Variants in JAZF1 observed in about 807,000 individuals in gnomAD.
JAZF1 encodes the protein JAZF zinc finger 1.
In JAZF1, 8 loss-of-function variants were observed where a neutral mutation model predicts 26.4. The observed-to-expected ratio is 0.30, with a 90% CI of 0.18 to 0.55. JAZF1 has a LOEUF of 0.55. Ranked by LOEUF, JAZF1 falls within the 20% of genes least tolerant of loss-of-function variation. The probability of loss-of-function intolerance (pLI) is 0.94; values close to 1 mark genes in which losing one functional copy is unlikely to be tolerated. For synonymous variants in JAZF1, 126 were observed against 122.3 expected (o/e 1.03, Z -0.20); for missense variants, 199 against 322.0 (o/e 0.62, Z 2.92).
rs544573639 is a variant in JAZF1 at position 27,905,900 on chromosome 7, G to A, written c.189-10484C>T. Among the ~76,000 whole-genome samples the A allele has an allele frequency of 6.8e-3, 1,031 of 152,090 alleles. 8 individuals are homozygous for A. The highest frequency in any genetic ancestry group is 0.014 in the Admixed American group (207 of 15,266). ...AATCTACTTAAACTGTTTTGATGAA[G>A]AAAAGCCACAATATAAAATTTCATG... On this transcript the variant is annotated intron_variant, in intron 2 of 4. Coordinates refer to ENST00000283928, the MANE Select transcript of JAZF1 (RefSeq NM_175061.4).
rs190289879 is a variant in JAZF1 at position 28,020,371 on chromosome 7, C to T, written c.116-28390G>A. The stretch of plus-strand genomic sequence containing the variant: ...TGATGAGGTGTGAGCCCATGGAAAA[C>T]GGCACAGGGAAAATGAATCGGAAAT... On this transcript the variant is annotated intron_variant, in intron 1 of 4. Coordinates refer to ENST00000283928, the MANE Select transcript of JAZF1 (RefSeq NM_175061.4). 4.4e-3 allele frequency among the ~76,000 whole-genome samples: 674 copies of T among 152,190 alleles called. 17 individuals are homozygous for T. Among genetic ancestry groups the T allele is most frequent in the Non-Finnish European group, 8.1e-4 (55 of 68,010 alleles).
chr7:27,932,764 C>A (rs1173724575), intron 2 of JAZF1, among the ~76,000 whole-genome samples: 1 of 152,184 alleles, frequency 6.6e-6, no homozygotes, highest in African/African-American at 2.4e-5. Flanking sequence ...TCCTGCAAAC[C>A]TATAAGCTGA....
intron 2 of JAZF1, among the ~76,000 whole-genome samples, chr7:27,952,008 C>T (rs974784879): frequency 6.6e-6 from 1 of 152,158 alleles, no homozygotes; most frequent in Non-Finnish European, 1.5e-5. Context: ...ATATTCCTTG[C>T]ATATACCTGT....
At chr7:28,133,934 C>T (rs1219973052) in intron 1 of JAZF1, among the ~76,000 whole-genome samples, 1 of 152,198 alleles carries the variant, frequency 6.6e-6, no homozygotes, top group Admixed American at 6.5e-5. Context: ...AATGACTTGT[C>T]TCTATCAGTC....
At chr7:27,945,133 ATTT>A (rs1251250212) in intron 2 of JAZF1, among the ~76,000 whole-genome samples, 3 of 152,078 alleles carry the variant, frequency 2.0e-5, no homozygotes, top group African/African-American at 7.2e-5. Context: ...AAGTAAAAAA[ATTT>A]TTTTTTAAAA....
intron 1 of JAZF1, among the ~76,000 whole-genome samples, chr7:28,178,570 T>C (rs540101676): frequency 4.9e-4 from 74 of 152,320 alleles, no homozygotes; most frequent in African/African-American, 1.5e-3. Flanking sequence ...TTTTTACTTA[T>C]TATTGGGAGT....
At chr7:27,862,616 T>C (rs1029718767) in intron 3 of JAZF1, among the ~76,000 whole-genome samples, 12 of 152,202 alleles carry the variant, frequency 7.9e-5, no homozygotes, top group South Asian at 2.1e-4. Flanking sequence ...TCTGGGATTA[T>C]TGAATGTGAA....
intron 4 of JAZF1, among the ~76,000 whole-genome samples, chr7:27,837,782 G>A (rs937581191): frequency 2.6e-5 from 4 of 152,142 alleles, no homozygotes; most frequent in South Asian, 2.1e-4. Flanking sequence ...CTCTTTAGCC[G>A]AAGGCAGTTC....
chr7:27,989,159 G>C (rs1785839276), intron 2 of JAZF1, among the ~76,000 whole-genome samples: 1 of 152,040 alleles, frequency 6.6e-6, no homozygotes, highest in Admixed American at 6.5e-5. Flanking sequence ...TCTGATCTTT[G>C]ACAAACCTGA....
chr7:27,953,860 T>A (rs1005757181), intron 2 of JAZF1, among the ~76,000 whole-genome samples: 10 of 152,212 alleles, frequency 6.6e-5, no homozygotes, highest in African/African-American at 2.4e-4. Flanking sequence ...TTACCCTGGA[T>A]AACTGTAACA....
rs1245053684 is a variant in JAZF1, at chr7:28,028,506, C to T, written c.116-36525G>A. Among the ~76,000 whole-genome samples the T allele has an allele frequency of 2.0e-5, 3 of 152,214 alleles. No individual in the cohort carries two copies. In the East Asian group the frequency reaches 5.8e-4, roughly 29 times the overall value. ...CAATATGTAGAGATGTTGCAACATT[C>T]TTCTCTACCACCTTTCCATTCTGCT... On this transcript the variant is annotated intron_variant, in intron 1 of 4. Coordinates refer to ENST00000283928, the MANE Select transcript of JAZF1 (RefSeq NM_175061.4).
At chr7:28,070,793 C>T (rs1583543565) in intron 1 of JAZF1, among the ~76,000 whole-genome samples, 1 of 152,222 alleles carries the variant, frequency 6.6e-6, no homozygotes, top group Non-Finnish European at 1.5e-5. Flanking sequence ...CAAAGCCTAA[C>T]ATTTCACAAG....
intron 2 of JAZF1, among the ~76,000 whole-genome samples, chr7:27,988,839 G>T (rs1785828376): frequency 7.4e-6 from 1 of 134,964 alleles, no homozygotes. Context: ...AAGAACAACA[G>T]AAAAATGTCA....
intron 1 of JAZF1, among the ~76,000 whole-genome samples, chr7:28,168,915 C>G (rs959853712): frequency 6.6e-6 from 1 of 152,236 alleles, no homozygotes; most frequent in Admixed American, 6.5e-5. Flanking sequence ...GGGCTAAGAA[C>G]ACATAGGCTC....
At chr7:28,111,500 A>C (rs932253684) in intron 1 of JAZF1, among the ~76,000 whole-genome samples, 2 of 152,246 alleles carry the variant, frequency 1.3e-5, no homozygotes, top group East Asian at 3.8e-4. Context: ...CTAGGCCTTT[A>C]TAAAATATCA....
chr7:27,858,541 C>T (rs932670037), intron 3 of JAZF1, among the ~76,000 whole-genome samples: 3 of 152,074 alleles, frequency 2.0e-5, no homozygotes, highest in Admixed American at 2.0e-4. Context: ...GATATATAGA[C>T]CAGTGGAAAG....
chr7:27,893,960 A>G (rs1368454616), intron 3 of JAZF1, among the ~76,000 whole-genome samples: 1 of 152,232 alleles, frequency 6.6e-6, no homozygotes, highest in African/African-American at 2.4e-5. Context: ...CTGGGAAGAC[A>G]TACTAGGAAG....
chr7:27,965,523 A>C (rs1374963515), intron 2 of JAZF1, among the ~76,000 whole-genome samples: 1 of 152,198 alleles, frequency 6.6e-6, no homozygotes, highest in Non-Finnish European at 1.5e-5. Context: ...CTGCATGAAG[A>C]AGACTGGCAA....
intron 1 of JAZF1, among the ~76,000 whole-genome samples, chr7:28,011,245 A>G (rs1223284548): frequency 6.6e-6 from 1 of 152,250 alleles, no homozygotes; most frequent in African/African-American, 2.4e-5. Context: ...TCTCCTTTTC[A>G]TAAGTATAGG....
Sources: gnomAD v4.1 joint callset for allele counts (sites outside exome capture counted in the v4.1 genomes callset) on GRCh38, gnomAD v4.1.1 for gene constraint, MANE v1.5 for transcripts, NCBI Gene and HGNC (gene_info 2026-07-23, HGNC 2026-07-21) for gene names.